The following PPM1H variants were observed in gnomAD, a reference collection of about 807,000 sequenced individuals.
The protein encoded by PPM1H is protein phosphatase 1H.
PPM1H carries 27 observed loss-of-function variants against 54.9 expected under a neutral mutation model. The ratio of observed to expected loss-of-function variants is 0.49; its 90% CI spans 0.36 to 0.68. PPM1H has a LOEUF of 0.68. PPM1H is among the 30% of genes least tolerant of loss of function. PPM1H has a pLI of 0.00. For missense variants in PPM1H, 596 were observed against 667.8 expected, an observed-to-expected ratio of 0.89 and a Z score of 1.19; for synonymous variants, 305 against 270.8, an observed-to-expected ratio of 1.13 and a Z score of -1.24.
At chr12:62,676,866 G>A (rs760042636) in intron 8 of PPM1H, among the ~76,000 whole-genome samples, 14 of 152,132 alleles carry the variant, frequency 9.2e-5, no homozygotes, top group African/African-American at 1.7e-4. Flanking sequence ...GGGCAGGTCC[G>A]CGGTAAAGCA....
chr12:62,875,451 G>T (rs915987928), intron 1 of PPM1H, among the ~76,000 whole-genome samples: 1 of 152,182 alleles, frequency 6.6e-6, no homozygotes, highest in Non-Finnish European at 1.5e-5. Context: ...AGAGGATGGC[G>T]AGGAAAGGTA....
chr12:62,839,317 A>G (rs1018884633), intron 1 of PPM1H, among the ~76,000 whole-genome samples: 1 of 152,222 alleles, frequency 6.6e-6, no homozygotes, highest in Non-Finnish European at 1.5e-5. Context: ...CAAGGGCCAC[A>G]TTCAGCCCAC....
At chr12:62,688,596 C>A (rs2076066899) in intron 8 of PPM1H, among the ~76,000 whole-genome samples, 1 of 151,864 alleles carries the variant, frequency 6.6e-6, no homozygotes, top group Non-Finnish European at 1.5e-5. Context: ...TTTTTTTAAA[C>A]CAAATATATG....
chr12:62,826,150 T>C (rs1182579719), intron 2 of PPM1H, among the ~76,000 whole-genome samples: 5 of 152,208 alleles, frequency 3.3e-5, no homozygotes, highest in Admixed American at 3.3e-4. Context: ...TTATTATCTG[T>C]AGTAGAAAAG....
chr12:62,884,821 T>A (rs548391483), intron 1 of PPM1H, among the ~76,000 whole-genome samples: 1 of 152,306 alleles, frequency 6.6e-6, no homozygotes, highest in East Asian at 1.9e-4. Flanking sequence ...AATTAAGGTG[T>A]CGGCACATCA....
chr12:62,753,013 G>A (rs1251482064), intron 4 of PPM1H, among the ~76,000 whole-genome samples: 1 of 152,130 alleles, frequency 6.6e-6, no homozygotes, highest in Admixed American at 6.5e-5. Context: ...AGTTGGAAAT[G>A]TGGGAGTGGT....
At chr12:62,706,535 C>G (rs962550527) in intron 6 of PPM1H, among the ~76,000 whole-genome samples, 1 of 152,184 alleles carries the variant, frequency 6.6e-6, no homozygotes, top group African/African-American at 2.4e-5. Context: ...TCTTTTTGTT[C>G]CAGGCACTAA....
At chr12:62,824,206 C>T (rs1488139329) in intron 2 of PPM1H, among the ~76,000 whole-genome samples, 3 of 152,032 alleles carry the variant, frequency 2.0e-5, no homozygotes, top group Admixed American at 2.0e-4. Flanking sequence ...ATGTGAAGGG[C>T]CTCTTCAAGG....
chr12:62,791,508 TAA>T (rs1175015846), intron 3 of PPM1H, among the ~76,000 whole-genome samples: 1 of 152,238 alleles, frequency 6.6e-6, no homozygotes, highest in Non-Finnish European at 1.5e-5. Flanking sequence ...TATAAGTTGA[TAA>T]AGAGTCTGCA....
chr12:62,848,540 T>C (rs899938247), intron 1 of PPM1H, among the ~76,000 whole-genome samples: 2 of 152,214 alleles, frequency 1.3e-5, no homozygotes, highest in African/African-American at 4.8e-5. Context: ...TCTTAAAACA[T>C]TGATTTTAGG....
chr12:62,724,831 C>T (rs2076281540), intron 5 of PPM1H, among the ~76,000 whole-genome samples: 1 of 152,116 alleles, frequency 6.6e-6, no homozygotes, highest in Non-Finnish European at 1.5e-5. Flanking sequence ...TTATCTATCA[C>T]TATTGTATAT....
At chr12:62,870,391 A>C (rs545220153) in intron 1 of PPM1H, among the ~76,000 whole-genome samples, 1 of 152,168 alleles carries the variant, frequency 6.6e-6, no homozygotes, top group Non-Finnish European at 1.5e-5. Context: ...CTCCAGACAA[A>C]GCAGAAGAGA....
chr12:62,692,889 G>A (rs1393561729), intron 7 of PPM1H, among the ~76,000 whole-genome samples: 2 of 149,418 alleles, frequency 1.3e-5, no homozygotes, highest in Non-Finnish European at 2.9e-5. Context: ...TGGTCTACAC[G>A]GAGCCCAAAA....
intron 7 of PPM1H, 76 bp downstream of exon 7, chr12:62,693,860 G>GTC (rs2076097706): frequency 7.6e-7 from 1 of 1,320,596 alleles, no homozygotes; most frequent in Non-Finnish European, 1.1e-6. Context: ...GGAACACACG[G>GTC]ACTGCCACGG....
intron 1 of PPM1H, among the ~76,000 whole-genome samples, chr12:62,912,933 G>A (rs926819867): frequency 2.5e-4 from 38 of 152,280 alleles, no homozygotes; most frequent in Non-Finnish European, 4.4e-4. Flanking sequence ...CACAGGCACG[G>A]AGTATCCACC....
Position 62,753,990 on chromosome 12 carries a change from C to A in PPM1H, c.870-16404G>T, listed in dbSNP as rs553542784. Among the ~76,000 whole-genome samples, 198 of 152,168 alleles carry A rather than the reference C, an allele frequency of 1.3e-3. 1 individual carries two copies. The highest frequency in any genetic ancestry group is 2.3e-3 in the Non-Finnish European group (159 of 68,002). On this transcript the variant is annotated intron_variant, in intron 4 of 9. Transcript: ENST00000228705. ...CTCACATTGAGAAGGTGGAGAAAAACCACAGGAAAAACTAAGTCTCCAAAA... is the reference window on the plus strand; with the variant it reads ...CTCACATTGAGAAGGTGGAGAAAAAACACAGGAAAAACTAAGTCTCCAAAA...
intron 4 of PPM1H, among the ~76,000 whole-genome samples, chr12:62,745,968 A>G (rs2076408049): frequency 6.6e-6 from 1 of 152,162 alleles, no homozygotes; most frequent in Non-Finnish European, 1.5e-5. Flanking sequence ...CAAGGCAGGA[A>G]GATCACTTGA....
At chr12:62,869,104 T>C (rs1869887814) in intron 1 of PPM1H, among the ~76,000 whole-genome samples, 1 of 152,224 alleles carries the variant, frequency 6.6e-6, no homozygotes, top group Non-Finnish European at 1.5e-5. Context: ...TGTCATACAC[T>C]GATTCATCAA....
chr12:62,677,630 A>G (rs1159156487), intron 8 of PPM1H, among the ~76,000 whole-genome samples: 3 of 152,080 alleles, frequency 2.0e-5, no homozygotes, highest in African/African-American at 7.2e-5. Flanking sequence ...CACACCCCTC[A>G]CTGCTCTGTG....
Sources: allele counts gnomAD v4.1 joint callset (sites outside exome capture counted in the v4.1 genomes callset), GRCh38; gene constraint gnomAD v4.1.1; transcripts MANE v1.5; gene names NCBI Gene and HGNC (gene_info 2026-07-23, HGNC 2026-07-21).